The following STK3 variants were observed in gnomAD, a reference collection of about 807,000 sequenced individuals.
The protein encoded by STK3 is serine/threonine kinase 3.
STK3 carries 41 observed loss-of-function variants against 58.0 expected under a neutral mutation model. The observed-to-expected ratio is 0.71, with a 90% CI of 0.55 to 0.92. STK3 has a LOEUF of 0.92. Ranked by LOEUF, STK3 falls within the 40% of genes least tolerant of loss-of-function variation. The probability of loss-of-function intolerance (pLI) is 0.00; values close to 1 mark genes in which losing one functional copy is unlikely to be tolerated. For synonymous variants in STK3, 170 were observed against 191.0 expected, an observed-to-expected ratio of 0.89 and a Z score of 0.91; for missense variants, 479 against 602.7, an observed-to-expected ratio of 0.79 and a Z score of 2.15.
intron 1 of STK3, among the ~76,000 whole-genome samples, chr8:98,931,824 C>G (rs1013709886): frequency 6.6e-6 from 1 of 152,172 alleles, no homozygotes; most frequent in Non-Finnish European, 1.5e-5. Context: ...AGTATACTTT[C>G]TTTTACTCTA....
At chr8:98,792,809 G>A (rs1052043302) in intron 1 of STK3, among the ~76,000 whole-genome samples, 8 of 152,110 alleles carry the variant, frequency 5.3e-5, no homozygotes, top group Non-Finnish European at 1.0e-4. Flanking sequence ...ACACTTGCAC[G>A]CAAGTTTATA....
At chr8:98,829,971 A>T (rs1164360492), upstream of STK3, among the ~76,000 whole-genome samples, 1 of 151,904 alleles carries the variant, frequency 6.6e-6, no homozygotes, top group Admixed American at 6.6e-5. Context: ...TCATGCCTAT[A>T]ATCCCAGCAC....
At chr8:98,589,611 T>C (rs1815066136) in intron 7 of STK3, among the ~76,000 whole-genome samples, 2 of 152,252 alleles carry the variant, frequency 1.3e-5, no homozygotes, top group Admixed American at 6.5e-5. Context: ...CTTCTTGAGC[T>C]GTGGTGGGCT....
chr8:98,591,597 C>G (rs1563779174), intron 7 of STK3, among the ~76,000 whole-genome samples: 2 of 152,164 alleles, frequency 1.3e-5, no homozygotes, highest in Non-Finnish European at 2.9e-5. Context: ...GCCAGTTCCT[C>G]TTTGTTGATC....
At chr8:98,900,222 G>A (rs1255205872) in intron 1 of STK3, among the ~76,000 whole-genome samples, 1 of 151,342 alleles carries the variant, frequency 6.6e-6, no homozygotes, top group Non-Finnish European at 1.5e-5. Context: ...GATTACAGGC[G>A]CCCGCCACTA....
At chr8:98,850,547 G>A (rs1836421436) in intron 3 of STK3, among the ~76,000 whole-genome samples, 1 of 152,166 alleles carries the variant, frequency 6.6e-6, no homozygotes, top group African/African-American at 2.4e-5. Flanking sequence ...TTTCCTAAAG[G>A]AGGTGACATC....
At chr8:98,606,123 G>A (rs1355314629) in intron 6 of STK3, 1 of 152,302 alleles carries the variant, frequency 6.6e-6, no homozygotes, top group Non-Finnish European at 1.5e-5. Flanking sequence ...AGCTACTTGG[G>A]AGGCTGAGGC....
chr8:98,618,131 C>T (rs1817923351), intron 6 of STK3, among the ~76,000 whole-genome samples: 1 of 151,862 alleles, frequency 6.6e-6, no homozygotes, highest in African/African-American at 2.4e-5. Flanking sequence ...AAGTGGGCTT[C>T]ATCCCTGGGA....
rs919613404 is a variant in STK3, at chr8:98,454,807, A to G, written c.*1035T>C. 2 of 152,444 alleles carry G rather than the reference A, an allele frequency of 1.3e-5. No homozygotes were observed. The highest frequency in any genetic ancestry group is 4.8e-5 in the African/African-American group (2 of 41,402). The allele number at this position is 152,444 out of a possible 1,614,324, so 9.4% of individuals were successfully genotyped here. A position where few individuals can be genotyped will look rare whatever the true frequency, so the allele number is the denominator to read the frequency against. The stretch of plus-strand genomic sequence containing the variant: ...AATGAGTTTCTTTTTAATGGTTTTA[A>G]TCTTTTTTTTTTCAGTCCCCAAGGC... On this transcript the variant is annotated 3_prime_UTR_variant, in exon 11 of 11. Transcript: ENST00000419617.
intron 1 of STK3, among the ~76,000 whole-genome samples, chr8:98,776,229 G>C (rs1406708149): frequency 2.0e-4 from 30 of 152,180 alleles, no homozygotes; most frequent in Admixed American, 2.0e-3. Flanking sequence ...GTGTAAACCT[G>C]CTGTGTGGGA....
At chr8:98,539,424 GGAGTA>G (rs1437418350) in intron 9 of STK3, among the ~76,000 whole-genome samples, 1 of 151,834 alleles carries the variant, frequency 6.6e-6, no homozygotes, top group Non-Finnish European at 1.5e-5. Context: ...GATGAACCAG[GGAGTA>G]GAGTCAGTCT....
rs192502787 is a variant in STK3, at chr8:98,546,151, T to C, written c.1141+1818A>G. Among the ~76,000 whole-genome samples, 153 of 152,286 alleles carry C rather than the reference T, an allele frequency of 1.0e-3. 1 individual carries two copies. The highest frequency in any genetic ancestry group is 4.3e-4 in the Non-Finnish European group (29 of 68,018). On this transcript the variant is annotated intron_variant, in intron 9 of 10. Transcript: ENST00000419617. ...ACCACTTATCTGTTCAACTTCAAAA[T>C]TGGTTTTCACTAAAATCTCTGTGAC...
intron 1 of STK3, among the ~76,000 whole-genome samples, chr8:98,887,389 A>G (rs977097984): frequency 3.9e-5 from 6 of 152,290 alleles, no homozygotes; most frequent in African/African-American, 9.6e-5. Flanking sequence ...ATCTGAAAAA[A>G]TCCGAAAAAA....
At chr8:98,779,904 A>T (rs1284849653) in intron 1 of STK3, among the ~76,000 whole-genome samples, 1 of 151,846 alleles carries the variant, frequency 6.6e-6, no homozygotes, top group Non-Finnish European at 1.5e-5. Context: ...GAATGAATGA[A>T]TGAATATATA....
chr8:98,656,708 C>T (rs548886777), intron 6 of STK3, among the ~76,000 whole-genome samples: 2 of 152,030 alleles, frequency 1.3e-5, no homozygotes, highest in Non-Finnish European at 2.9e-5. Flanking sequence ...TAGTATGCTT[C>T]CAGTCACTCT....
upstream of STK3, among the ~76,000 whole-genome samples, chr8:98,392,434 G>A (rs1817857173): frequency 6.6e-6 from 1 of 152,024 alleles, no homozygotes; most frequent in Admixed American, 6.6e-5. Context: ...CACTGACTTG[G>A]GGATCCTCTG....
At position 98,794,668 on chromosome 8, in the gene STK3, G is replaced by C. The variant is rs141137835; in HGVS notation, c.27-19849C>G. On this transcript the variant is annotated intron_variant, in intron 1 of 10. Coordinates refer to ENST00000419617, the MANE Select transcript of STK3 (RefSeq NM_006281.4). Reference sequence around the variant, plus strand: ...GGAACTCACTGCAACTCATTCGAAGGATGCATCACCCTGATACGAAAACCT... The same window carrying C: ...GGAACTCACTGCAACTCATTCGAAGCATGCATCACCCTGATACGAAAACCT... Among the ~76,000 whole-genome samples the C allele has an allele frequency of 3.4e-3, 520 of 152,068 alleles. 4 individuals carry two copies. The highest frequency in any genetic ancestry group is 0.011 in the African/African-American group (466 of 41,464).
intron 8 of STK3, among the ~76,000 whole-genome samples, chr8:98,562,245 A>C (rs1812099705): frequency 6.6e-6 from 1 of 152,168 alleles, no homozygotes; most frequent in African/African-American, 2.4e-5. Context: ...TAACTGCCCC[A>C]AACTAATAAG....
intron 1 of STK3, chr8:98,438,039 C>A (rs16896995): frequency 0.029 from 4,445 of 152,428 alleles, 104 homozygotes; most frequent in South Asian, 0.06. Context: ...CTTTCCTCTA[C>A]ACTGGGAACC....
Sources: gnomAD v4.1 joint callset for allele counts (sites outside exome capture counted in the v4.1 genomes callset) on GRCh38, gnomAD v4.1.1 for gene constraint, MANE v1.5 for transcripts, NCBI Gene and HGNC (gene_info 2026-07-23, HGNC 2026-07-21) for gene names.